PLOD3: variants seen among roughly 807,000 people sequenced by gnomAD.
The protein encoded by PLOD3 is multifunctional procollagen lysine hydroxylase and glycosyltransferase LH3.
A neutral mutation model predicts 96.9 loss-of-function variants in PLOD3; 73 were observed. The observed-to-expected ratio is 0.75, with a 90% CI of 0.62 to 0.92. The LOEUF (loss-of-function observed/expected upper bound fraction) is 0.92. PLOD3 is among the 40% of genes least tolerant of loss of function. The probability of loss-of-function intolerance (pLI) is 0.00; values close to 1 mark genes in which losing one functional copy is unlikely to be tolerated. For missense variants in PLOD3, 1,004 were observed against 1,004.3 expected, an observed-to-expected ratio of 1.00 and a Z score of 0.00; for synonymous variants, 454 against 413.7, an observed-to-expected ratio of 1.10 and a Z score of -1.18.
Position 101,211,721 on chromosome 7 carries a change from G to C in PLOD3, c.1233-5C>G. On this transcript the variant is annotated splice_region_variant and splice_polypyrimidine_tract_variant and intron_variant, in intron 11 of 18. Coordinates refer to ENST00000223127, the MANE Select transcript of PLOD3 (RefSeq NM_001084.5). ...AGCATGGGGGCGATCACCTTCCTGCGGACAGGTGGGGGTGAGGGCTGGGCA... is the reference window on the plus strand; with the variant it reads ...AGCATGGGGGCGATCACCTTCCTGCCGACAGGTGGGGGTGAGGGCTGGGCA... The C allele has an allele frequency of 6.2e-7, 1 of 1,601,558 alleles. No homozygotes were observed. Among genetic ancestry groups the C allele is most frequent in the Non-Finnish European group, 8.5e-7 (1 of 1,174,960 alleles).
Position 101,206,783 on chromosome 7 carries a change from T to A in PLOD3, c.2057A>T (p.Tyr686Phe). 6.3e-7 allele frequency: 1 copy of A among 1,583,168 alleles called. No homozygotes were observed. The highest frequency in any genetic ancestry group is 8.6e-7 in the Non-Finnish European group (1 of 1,164,476). Residue 686 changes from tyrosine to phenylalanine, a missense_variant, in exon 18 of 19, where the codon TAT becomes TTT. This residue lies in a region of PLOD3 where 222 missense variants were observed against 220.4 expected (regional missense o/e 1.01). Transcript: ENST00000223127. Reference sequence around the variant, plus strand: ...GGTAGTGTGACTGGGGCGCACCTCATAGTCCAGGCCCTTGTGGTTGAGGGC... The same window carrying A: ...GGTAGTGTGACTGGGGCGCACCTCAAAGTCCAGGCCCTTGTGGTTGAGGGC... ...NVALNHKGLDYEGGGCRFLRY... is the reference protein window; with the variant it reads ...NVALNHKGLDFEGGGCRFLRY...
In PLOD3 at chr7:101,208,413, G is replaced by C. The variant is rs142374988; in HGVS notation, c.1788+440C>G. Among the ~76,000 whole-genome samples, 960 of 152,236 alleles carry C rather than the reference G, an allele frequency of 6.3e-3. 13 individuals are homozygous for C. Among genetic ancestry groups the C allele is most frequent in the African/African-American group, 0.021 (877 of 41,534 alleles). ...CCCGCCACCATGCCCGGCTAATTTT[G>C]TGTTTTTAGTAGAGATGGGGTTTCT... On this transcript the variant is annotated intron_variant, in intron 16 of 18. Transcript: ENST00000223127.
chr7:101,215,573 C>T (rs528371789), intron 5 of PLOD3, among the ~76,000 whole-genome samples: 48 of 152,196 alleles, frequency 3.2e-4, no homozygotes, highest in Non-Finnish European at 6.8e-4. Flanking sequence ...TGGTGCAAAA[C>T]ATCCTCAAAC....
intron 6 of PLOD3, 122 bp from the exon 7 acceptor site, chr7:101,213,326 A>C (rs1798217074): frequency 2.7e-6 from 2 of 745,086 alleles, no homozygotes; most frequent in Non-Finnish European, 2.4e-6. Context: ...GCTATCCTGG[A>C]GTGTGGCTCG....
At position 101,217,515 on chromosome 7, in the gene PLOD3, G is replaced by A; in HGVS notation, c.-241C>T. The A allele has an allele frequency of 2.0e-6, 1 of 489,730 alleles. No individual in the cohort carries two copies. Among genetic ancestry groups the A allele is most frequent in the South Asian group, 3.3e-5 (1 of 30,082 alleles). The allele number at this position is 489,730 out of a possible 1,614,324, so 30.3% of individuals were successfully genotyped here. ...CCCGGGCGCACGGGAGGCGGGGGAGGGGCGGCGGCTCGGGCCGGCGGGCGG... is the reference window on the plus strand; with the variant it reads ...CCCGGGCGCACGGGAGGCGGGGGAGAGGCGGCGGCTCGGGCCGGCGGGCGG... On this transcript the variant is annotated 5_prime_UTR_variant, in exon 1 of 19. Transcript: ENST00000223127.
rs778953333 is a variant in PLOD3, at chr7:101,212,617, C to T, written c.918G>A (p.Gln306=). The T allele has an allele frequency of 1.9e-6, 3 of 1,613,876 alleles. No individual in the cohort carries two copies. Among genetic ancestry groups the T allele is most frequent in the Non-Finnish European group, 2.5e-6 (3 of 1,179,896 alleles). Residue 306 remains glutamine (Q), a synonymous_variant, in exon 9 of 19, where the codon CAG becomes CAA. Coordinates refer to ENST00000223127, the MANE Select transcript of PLOD3 (RefSeq NM_001084.5). ...GGAAGCGGGGCAGAAACGGAGTAGG[C>T]TGTTCCACAAACACGGCCAGAAACA... ...PRVFLAVFVE[Q]PTPFLPRFLQ...
At position 101,215,100 on chromosome 7, in the gene PLOD3, T is replaced by C. The variant is rs121434414; in HGVS notation, c.668A>G (p.Asn223Ser). ...DHKSRIFQNLNGALDEVVLKF... is the reference protein window; with the variant it reads ...DHKSRIFQNLSGALDEVVLKF... The stretch of plus-strand genomic sequence containing the variant: ...GTCTTCCTCCTCACCTAAAGCCCCG[T>C]TGAGGTTCTGAAAGATCCGAGACTT... Residue 223 changes from asparagine (N) to serine (S), a missense_variant, in exon 6 of 19, where the codon AAC becomes AGC. Asn to Ser is a conservative substitution (Grantham distance 46, BLOSUM62 1). This residue lies in a region of PLOD3 where 690 missense variants were observed against 650.2 expected (regional missense o/e 1.06). Coordinates refer to ENST00000223127, the MANE Select transcript of PLOD3 (RefSeq NM_001084.5). The C allele has an allele frequency of 1.7e-5, 28 of 1,612,608 alleles. No homozygotes were observed. The highest frequency in any genetic ancestry group is 2.4e-5 in the Non-Finnish European group (28 of 1,178,662).
Position 101,206,817 on chromosome 7 carries a change from G to C in PLOD3, c.2023C>G (p.Leu675Val). ...CCCTTGTGGTTGAGGGCAACGTTGA[G>C]GGTGAAGGTGGATGAGTCGTGGTGT... The part of the protein sequence containing the change: ...RPHHDSSTFT[L>V]NVALNHKGLD... Residue 675 changes from leucine (L) to valine (V), a missense_variant, in exon 18 of 19, where the codon CTC (leucine) becomes GTC (valine). Transcript: ENST00000223127. 2 of 1,580,038 alleles carry C rather than the reference G, an allele frequency of 1.3e-6. No homozygotes were observed.
chr7:101,206,402 A>C lies in PLOD3; in HGVS notation c.2096T>G (p.Val699Gly). The C allele has an allele frequency of 6.2e-7, 1 of 1,613,288 alleles. No individual in the cohort carries two copies. The highest frequency in any genetic ancestry group is 8.5e-7 in the Non-Finnish European group (1 of 1,179,682). ...CCAGCCCTTCCTCGGGGAGGAGATC[A>C]CACAGTCGTAGCGCAGGAAGCGGCA... is the stretch of plus-strand genomic sequence containing the variant. ...GGCRFLRYDCVISSPRKGWAL... is the reference protein window; with the variant it reads ...GGCRFLRYDCGISSPRKGWAL... The change falls in exon 19 of 19, where the codon GTG (valine) becomes GGG (glycine). Residue 699 changes from valine to glycine, a missense_variant. Around this residue, in one of 5 missense-constraint regions of PLOD3, gnomAD observed 222 missense variants for 220.4 expected, o/e 1.01. Transcript: ENST00000223127.
chr7:101,206,335 C>T lies in PLOD3; in HGVS notation c.2163G>A (p.Gly721=). 1 of 1,613,936 alleles carries T rather than the reference C, an allele frequency of 6.2e-7. No individual in the cohort carries two copies. The highest frequency in any genetic ancestry group is 8.5e-7 in the Non-Finnish European group (1 of 1,179,858). ...AGCGTGTGCCCCAGGTCGTTGGCAG[C>T]CCCTCGTGGTAGTGGGTGAGGCGGC... ...HPGRLTHYHE[G]LPTTWGTRYI... is the part of the protein sequence containing the mutation. Residue 721 remains glycine, a synonymous_variant, in exon 19 of 19, where the codon GGG becomes GGA. Transcript: ENST00000223127.
At chr7:101,212,754 T>C (rs572520097) in intron 8 of PLOD3, 88 bp downstream of exon 8, 5 of 1,579,370 alleles carry the variant, frequency 3.2e-6, no homozygotes, top group Middle Eastern at 2.2e-4. Flanking sequence ...CCAGGAGCGA[T>C]GCCCCCACCG....
At position 101,216,735 on chromosome 7, in the gene PLOD3, C is replaced by G; in HGVS notation, c.161G>C (p.Arg54Pro). 6.2e-7 allele frequency: 1 copy of G among 1,614,052 alleles called. No individual in the cohort carries two copies. The highest frequency in any genetic ancestry group is 8.5e-7 in the Non-Finnish European group (1 of 1,179,948). The change falls in exon 2 of 19, where the codon CGT becomes CCT. Residue 54 changes from arginine to proline, a missense_variant. By Grantham distance (103) the Arg-to-Pro change is moderately radical (BLOSUM62 -2). Transcript: ENST00000223127. The stretch of plus-strand genomic sequence containing the variant: ...GAAGAACTCCGCAGAGCGCAGGAAA[C>G]GCAGGTACCCCTCGGTTTCAGCTGT... ...VATAETEGYL[R>P]FLRSAEFFNY...
chr7:101,216,078 C>T (rs949483137), intron 4 of PLOD3, 58 bp from the exon 5 acceptor site: 20 of 1,606,064 alleles, frequency 1.2e-5, no homozygotes, highest in Non-Finnish European at 1.6e-5. Context: ...GCCTGTCCCC[C>T]AGGCTGTCTC....
Position 101,210,370 on chromosome 7 carries a change from G to A in PLOD3, c.1575C>T (p.His525=). Residue 525 remains histidine, a synonymous_variant, in exon 14 of 19, where the codon CAC becomes CAT. Transcript: ENST00000223127. ...LLATSRYDTE[H]LHPDLWQIFD... ...AGATCTGCCAGAGGTCGGGGTGCAG[G>A]TGCTCCGTGTCGTATCTGGAAGTGG... The A allele has an allele frequency of 6.2e-7, 1 of 1,614,178 alleles. No individual in the cohort carries two copies. Among genetic ancestry groups the A allele is most frequent in the Non-Finnish European group, 8.5e-7 (1 of 1,180,020 alleles).
At chr7:101,214,188 G>A (rs561928835) in intron 6 of PLOD3, among the ~76,000 whole-genome samples, 6 of 151,282 alleles carry the variant, frequency 4.0e-5, no homozygotes, top group South Asian at 2.1e-4. Context: ...GTGCAGTGGC[G>A]CAATCTCGGC....
chr7:101,206,633 T>C (rs1251186969), intron 18 of PLOD3, 146 bp downstream of exon 18: 3 of 1,078,648 alleles, frequency 2.8e-6, no homozygotes, highest in East Asian at 2.6e-5. Context: ...AGAGGCCGCC[T>C]GCCCAGAAGC....
At position 101,215,948 on chromosome 7, in the gene PLOD3, T is replaced by A; in HGVS notation, c.575A>T (p.Gln192Leu). ...CAGGTAGAGCCGTGTGTAGAACAGC[T>A]GGTCGTCGTCATCATCCTTGTACTT... ...QWKYKDDDDD[Q>L]LFYTRLYLDP... is the part of the protein sequence containing the mutation. The change falls in exon 5 of 19, where the codon CAG becomes CTG. Residue 192 changes from glutamine to leucine, a missense_variant. Around this residue, in one of 5 missense-constraint regions of PLOD3, gnomAD observed 690 missense variants for 650.2 expected, o/e 1.06. Coordinates refer to ENST00000223127, the MANE Select transcript of PLOD3 (RefSeq NM_001084.5). 6.2e-7 allele frequency: 1 copy of A among 1,613,074 alleles called. No individual in the cohort carries two copies. The highest frequency in any genetic ancestry group is 8.5e-7 in the Non-Finnish European group (1 of 1,179,600).
intron 12 of PLOD3, 23 bp from the exon 13 acceptor site, chr7:101,210,696 C>T (rs1052579804): frequency 1.9e-6 from 3 of 1,612,888 alleles, no homozygotes; most frequent in Non-Finnish European, 2.5e-6. Flanking sequence ...ACACCGCGGT[C>T]AGCTGGGAGG....
At chr7:101,215,501 C>A (rs1316874269) in intron 5 of PLOD3, among the ~76,000 whole-genome samples, 5 of 152,114 alleles carry the variant, frequency 3.3e-5, no homozygotes, top group African/African-American at 9.7e-5. Flanking sequence ...GCATGAGCCA[C>A]CATGGTTTTC....
Sources: allele counts gnomAD v4.1 joint callset (sites outside exome capture counted in the v4.1 genomes callset), GRCh38; gene constraint gnomAD v4.1.1; regional missense constraint gnomAD v4.1.1; transcripts MANE v1.5; gene names NCBI Gene and HGNC (gene_info 2026-07-23, HGNC 2026-07-21).